UBL3: variants seen among roughly 807,000 people sequenced by gnomAD.
UBL3 encodes ubiquitin-like protein 3.
Under a neutral mutation model 18.4 loss-of-function variants are expected in UBL3, and 6 were observed. The ratio of observed to expected loss-of-function variants is 0.33; its 90% confidence interval spans 0.18 to 0.64. UBL3 has a LOEUF of 0.64. UBL3 is among the 30% of genes least tolerant of loss of function. The probability of loss-of-function intolerance (pLI) is 0.76; values close to 1 mark genes in which losing one functional copy is unlikely to be tolerated. For missense variants in UBL3, 109 were observed against 142.9 expected (o/e 0.76, Z 1.21); for synonymous variants, 49 against 46.6 (o/e 1.05, Z -0.21).
At chr13:29,841,327 A>G (rs1192463993) in intron 1 of UBL3, among the ~76,000 whole-genome samples, 1 of 152,000 alleles carries the variant, frequency 6.6e-6, no homozygotes, top group Non-Finnish European at 1.5e-5. Flanking sequence ...CAAAAACAAA[A>G]TGCCCCGAAA....
At chr13:29,835,753 CAAAAAAA>C (rs34271187) in intron 1 of UBL3, among the ~76,000 whole-genome samples, 35 of 37,036 alleles carry the variant, frequency 9.5e-4, no homozygotes, top group African/African-American at 3.3e-3. Context: ...GACGCTGTCT[CAAAAAAA>C]AAAAAAAAAA....
intron 2 of UBL3, among the ~76,000 whole-genome samples, chr13:29,772,636 A>G (rs1396890198): frequency 6.6e-6 from 1 of 152,152 alleles, no homozygotes; most frequent in Non-Finnish European, 1.5e-5. Flanking sequence ...TCTAAAAAAC[A>G]GTTAATATAT....
chr13:29,828,349 C>G (rs1051198790), intron 1 of UBL3, among the ~76,000 whole-genome samples: 1 of 152,158 alleles, frequency 6.6e-6, no homozygotes, highest in African/African-American at 2.4e-5. Context: ...TTCACATAGT[C>G]CCGTATTTCT....
At chr13:29,810,773 A>G (rs2139340473) in intron 1 of UBL3, among the ~76,000 whole-genome samples, 1 of 152,262 alleles carries the variant, frequency 6.6e-6, no homozygotes, top group Non-Finnish European at 1.5e-5. Flanking sequence ...TTATAATGCA[A>G]GCTATGATTG....
chr13:29,835,151 T>TAA lies in UBL3; in HGVS notation c.27+14360_27+14361insTT, dbSNP rs1566001135. ...ATATATATATATATATATATATATA[T>TAA]ATATATATATATATATATATATATA... On this transcript the variant is annotated intron_variant, in intron 1 of 4. Coordinates refer to ENST00000380680, the MANE Select transcript of UBL3 (RefSeq NM_007106.4). 4.7e-3 allele frequency among the ~76,000 whole-genome samples: 119 copies of TAA among 25,210 alleles called. 5 individuals carry two copies. The highest frequency in any genetic ancestry group is 0.017 in the Middle Eastern group (1 of 58). The allele number at this position is 25,210 out of a possible 152,430, so 16.5% of individuals were successfully genotyped here.
At chr13:29,845,013 T>C (rs1267302067) in intron 1 of UBL3, among the ~76,000 whole-genome samples, 1 of 152,120 alleles carries the variant, frequency 6.6e-6, no homozygotes, top group African/African-American at 2.4e-5. Context: ...TTTCTGAATG[T>C]CTAAAAAATA....
chr13:29,837,747 C>G (rs560988256), intron 1 of UBL3, among the ~76,000 whole-genome samples: 1 of 151,722 alleles, frequency 6.6e-6, no homozygotes, highest in Non-Finnish European at 1.5e-5. Context: ...CTGGCCAATA[C>G]GGCAAAACCA....
At chr13:29,805,446 A>G (rs1877876269) in intron 1 of UBL3, among the ~76,000 whole-genome samples, 1 of 152,210 alleles carries the variant, frequency 6.6e-6, no homozygotes, top group Admixed American at 6.5e-5. Context: ...CAAGAGTCTG[A>G]TATGTCTGTC....
At chr13:29,810,242 A>AC (rs1320251772) in intron 1 of UBL3, among the ~76,000 whole-genome samples, 2 of 152,104 alleles carry the variant, frequency 1.3e-5, no homozygotes, top group Non-Finnish European at 2.9e-5. Context: ...ATAACTGGCC[A>AC]CGTGATTAAG....
At chr13:29,780,151 G>A (rs1877109667) in intron 1 of UBL3, among the ~76,000 whole-genome samples, 1 of 151,358 alleles carries the variant, frequency 6.6e-6, no homozygotes, top group Non-Finnish European at 1.5e-5. Flanking sequence ...TCAGGAGATC[G>A]AGACCATCCT....
At chr13:29,787,305 T>C (rs1272262891) in intron 1 of UBL3, among the ~76,000 whole-genome samples, 1 of 152,164 alleles carries the variant, frequency 6.6e-6, no homozygotes, top group East Asian at 1.9e-4. Context: ...AGTTAGATAT[T>C]ATCACAAATT....
chr13:29,829,505 C>T (rs1878715330), intron 1 of UBL3, among the ~76,000 whole-genome samples: 1 of 152,264 alleles, frequency 6.6e-6, no homozygotes, highest in Middle Eastern at 3.4e-3. Flanking sequence ...GGGATATAAT[C>T]TTCTGGTGTT....
chr13:29,801,597 C>T (rs1388181736), intron 1 of UBL3, among the ~76,000 whole-genome samples: 2 of 152,132 alleles, frequency 1.3e-5, no homozygotes, highest in Non-Finnish European at 2.9e-5. Context: ...TCTCTGATTT[C>T]GCTCTCAGAG....
chr13:29,801,521 C>T (rs1877765603), intron 1 of UBL3, among the ~76,000 whole-genome samples: 1 of 152,156 alleles, frequency 6.6e-6, no homozygotes, highest in African/African-American at 2.4e-5. Context: ...GAGCCCCAAG[C>T]TTGGGCCAGC....
At chr13:29,840,644 T>C (rs968612) in intron 1 of UBL3, among the ~76,000 whole-genome samples, 147,762 of 152,244 alleles carry the variant, frequency 0.97, 71,770 homozygotes, top group Non-Finnish European at 1. Flanking sequence ...TTCAAGGATG[T>C]TTTAAAATTA....
chr13:29,783,893 A>C (rs931985740), intron 1 of UBL3, among the ~76,000 whole-genome samples: 3 of 152,226 alleles, frequency 2.0e-5, no homozygotes, highest in African/African-American at 7.2e-5. Flanking sequence ...AAAACTGGTA[A>C]TAAGGACTCT....
At chr13:29,832,177 G>A (rs1878794157) in intron 1 of UBL3, among the ~76,000 whole-genome samples, 1 of 152,160 alleles carries the variant, frequency 6.6e-6, no homozygotes, top group Non-Finnish European at 1.5e-5. Flanking sequence ...TCTGCCCTCA[G>A]AGTAAGTACA....
intron 1 of UBL3, among the ~76,000 whole-genome samples, chr13:29,804,458 CAAG>C (rs963489749): frequency 1.3e-5 from 2 of 151,894 alleles, no homozygotes; most frequent in Non-Finnish European, 2.9e-5. Context: ...TAGCCGAAGA[CAAG>C]AAATAGCCAA....
At chr13:29,825,775 G>A (rs992430651) in intron 1 of UBL3, among the ~76,000 whole-genome samples, 1 of 152,186 alleles carries the variant, frequency 6.6e-6, no homozygotes, top group South Asian at 2.1e-4. Context: ...TCTTGTGCCA[G>A]TTTTCAAAGG....
Sources: gnomAD v4.1 joint callset for allele counts (sites outside exome capture counted in the v4.1 genomes callset) on GRCh38, gnomAD v4.1.1 for gene constraint, MANE v1.5 for transcripts, NCBI Gene and HGNC (gene_info 2026-07-23, HGNC 2026-07-21) for gene names.